The following CREB5 variants were observed in gnomAD, a reference collection of about 807,000 sequenced individuals.
The protein encoded by CREB5 is cAMP responsive element binding protein 5, also known as cyclic AMP-responsive element-binding protein 5.
Under a neutral mutation model 57.1 loss-of-function variants are expected in CREB5, and 19 were observed. That is an observed-to-expected ratio of 0.33 (90% confidence interval 0.23 to 0.49). The LOEUF (loss-of-function observed/expected upper bound fraction) is 0.49. Among genes scored for constraint, CREB5 ranks in the 20% least tolerant of loss-of-function variants. The pLI, the probability that CREB5 is intolerant of heterozygous loss-of-function variation, is 0.99. For missense variants in CREB5, 579 were observed against 671.6 expected (o/e 0.86, Z 1.52); for synonymous variants, 238 against 238.3 (o/e 1.00, Z 0.01).
chr7:28,615,178 A>G (rs909224354), intron 5 of CREB5: 3 of 152,180 alleles, frequency 2.0e-5, no homozygotes, highest in Non-Finnish European at 4.4e-5. Flanking sequence ...ATTCCTGATA[A>G]GAGACTCTGT....
chr7:28,337,144 G>A (rs1785839483), intron 1 of CREB5, among the ~76,000 whole-genome samples: 2 of 152,072 alleles, frequency 1.3e-5, no homozygotes, highest in African/African-American at 2.4e-5. Flanking sequence ...TGATCCAAGT[G>A]CTGAGGAGAA....
intron 1 of CREB5, among the ~76,000 whole-genome samples, chr7:28,435,949 G>A (rs1788943532): frequency 6.6e-6 from 1 of 152,080 alleles, no homozygotes; most frequent in Non-Finnish European, 1.5e-5. Flanking sequence ...AAGCGACCTG[G>A]GTGTAACATT....
intron 1 of CREB5, among the ~76,000 whole-genome samples, chr7:28,309,560 G>C (rs889760137): frequency 2.0e-5 from 3 of 152,146 alleles, no homozygotes; most frequent in Non-Finnish European, 4.4e-5. Flanking sequence ...CTGGTGTTGA[G>C]AGCCAGGCTG....
chr7:28,325,470 A>AT (rs1352043610), intron 1 of CREB5, among the ~76,000 whole-genome samples: 3 of 146,260 alleles, frequency 2.1e-5, no homozygotes, highest in African/African-American at 7.7e-5. Context: ...AAAAAAAAAA[A>AT]TGTAAATCAA....
At chr7:28,725,157 CT>C (rs2128749488) in intron 7 of CREB5, among the ~76,000 whole-genome samples, 1 of 152,294 alleles carries the variant, frequency 6.6e-6, no homozygotes, top group African/African-American at 2.4e-5. Flanking sequence ...ATAGCTTGTG[CT>C]AGAAGTTGGA....
At chr7:28,356,709 G>A (rs1786351809) in intron 1 of CREB5, among the ~76,000 whole-genome samples, 1 of 152,212 alleles carries the variant, frequency 6.6e-6, no homozygotes. Flanking sequence ...CAGGGAGACA[G>A]GCTGCCCCTG....
intron 4 of CREB5, among the ~76,000 whole-genome samples, chr7:28,566,592 G>A (rs1320673029): frequency 6.6e-6 from 1 of 152,050 alleles, no homozygotes; most frequent in African/African-American, 2.4e-5. Context: ...ATGAAGACAG[G>A]TTTTGAACCC....
intron 1 of CREB5, among the ~76,000 whole-genome samples, chr7:28,480,215 C>T (rs761618273): frequency 6.6e-5 from 10 of 152,192 alleles, no homozygotes; most frequent in South Asian, 2.1e-4. Context: ...CATTTGGGAA[C>T]GTGTTCCAAT....
At chr7:28,600,374 C>CA (rs1276606889) in intron 5 of CREB5, among the ~76,000 whole-genome samples, 1 of 7,958 alleles carries the variant, frequency 1.3e-4, no homozygotes, top group Non-Finnish European at 9.3e-4. Context: ...AGACCAGCCT[C>CA]ACGAAGCTCA....
At chr7:28,348,786 A>G (rs1313039097) in intron 1 of CREB5, among the ~76,000 whole-genome samples, 1 of 152,292 alleles carries the variant, frequency 6.6e-6, no homozygotes, top group Non-Finnish European at 1.5e-5. Context: ...TGGTGCCAAG[A>G]GCCACATTCC....
At chr7:28,331,721 C>T (rs988165967) in intron 1 of CREB5, among the ~76,000 whole-genome samples, 3 of 151,934 alleles carry the variant, frequency 2.0e-5, no homozygotes, top group Non-Finnish European at 4.4e-5. Context: ...TGGTGGCTCG[C>T]ACCTGTAATC....
At position 28,301,701 on chromosome 7, in the gene CREB5, C is replaced by T. The variant is rs543414413; in HGVS notation, c.-25+2260C>T. Reference sequence around the variant, plus strand: ...ATTTCTGTTGTCTGTATTGCCAGTCCTAATCTTAGAATTAATTGTAGCTTG... The same window carrying T: ...ATTTCTGTTGTCTGTATTGCCAGTCTTAATCTTAGAATTAATTGTAGCTTG... On this transcript the variant is annotated intron_variant, in intron 1 of 9. Coordinates refer to the CREB5 transcript ENST00000396299. Among the ~76,000 whole-genome samples the T allele has an allele frequency of 3.3e-5, 5 of 152,340 alleles. No individual in the cohort carries two copies. The South Asian group carries it at 1.0e-3, about 32-fold the overall frequency.
intron 5 of CREB5, among the ~76,000 whole-genome samples, chr7:28,677,725 TG>T (rs771656801): frequency 6.6e-6 from 1 of 152,148 alleles, no homozygotes; most frequent in Non-Finnish European, 1.5e-5. Flanking sequence ...AGAAAGGAAT[TG>T]GCCGAGTGTG....
At chr7:28,385,429 C>A (rs1442041272) in intron 1 of CREB5, among the ~76,000 whole-genome samples, 1 of 152,092 alleles carries the variant, frequency 6.6e-6, no homozygotes, top group African/African-American at 2.4e-5. Flanking sequence ...GTAATCCTAG[C>A]ACTTTGGGAA....
At chr7:28,439,184 C>T (rs1055360352) in intron 1 of CREB5, among the ~76,000 whole-genome samples, 7 of 152,180 alleles carry the variant, frequency 4.6e-5, no homozygotes, top group African/African-American at 1.7e-4. Context: ...AAGCTCTATA[C>T]TGCAGGCAGA....
intron 5 of CREB5, among the ~76,000 whole-genome samples, chr7:28,582,353 C>T (rs1414481204): frequency 2.6e-5 from 4 of 152,200 alleles, no homozygotes; most frequent in African/African-American, 9.6e-5. Context: ...TGTTCATTCT[C>T]AATGGTAACC....
chr7:28,409,999 G>A (rs868184740), upstream of CREB5: 51 of 453,880 alleles, frequency 1.1e-4, no homozygotes, highest in Middle Eastern at 3.6e-3. This position sits in a 1 kb window ranked among gnomAD's most constrained non-coding sequence, Gnocchi z 4.4. Flanking sequence ...GCGTGGCGGC[G>A]GAACCCCCGG....
At chr7:28,543,601 A>T (rs1794299379) in intron 4 of CREB5, among the ~76,000 whole-genome samples, 2 of 149,974 alleles carry the variant, frequency 1.3e-5, no homozygotes, top group African/African-American at 2.5e-5. Flanking sequence ...AAAAAAAAAA[A>T]GTGTGAGTTA....
At chr7:28,449,846 C>G (rs1019882807) in intron 1 of CREB5, among the ~76,000 whole-genome samples, 1 of 152,204 alleles carries the variant, frequency 6.6e-6, no homozygotes, top group Non-Finnish European at 1.5e-5. Context: ...CTCTGTCTGT[C>G]TCTCCTAAAA....
Sources: gnomAD v4.1 joint callset for allele counts (sites outside exome capture counted in the v4.1 genomes callset) on GRCh38, gnomAD v4.1.1 for gene constraint, Gnocchi (gnomAD v3.1) non-coding constraint, MANE v1.5 for transcripts, NCBI Gene and HGNC (gene_info 2026-07-23, HGNC 2026-07-21) for gene names.